Variants in MPDZ observed in about 807,000 individuals in gnomAD.
The protein encoded by MPDZ is multiple PDZ domain protein.
MPDZ carries 234 observed loss-of-function variants against 239.1 expected under a neutral mutation model. That is an observed-to-expected ratio of 0.98 (90% confidence interval 0.88 to 1.09). MPDZ has a LOEUF of 1.09. Ranked by LOEUF, MPDZ falls within the 50% of genes least tolerant of loss-of-function variation. The pLI is 0.00. For synonymous variants in MPDZ, 1,048 were observed against 881.3 expected (o/e 1.19, Z -3.35); for missense variants, 3,175 against 2,510.0 (o/e 1.26, Z -5.66).
At chr9:13,227,878 T>C (rs146422843) in intron 3 of MPDZ, among the ~76,000 whole-genome samples, 3,235 of 152,186 alleles carry the variant, frequency 0.021, 50 homozygotes, top group Middle Eastern at 0.031. Flanking sequence ...TATACCACCA[T>C]ACAAAAGTCT....
intron 26 of MPDZ, 54 bp from the exon 27 acceptor site, chr9:13,143,618 T>G: frequency 6.9e-7 from 1 of 1,458,400 alleles, no homozygotes; most frequent in Non-Finnish European, 9.6e-7. Flanking sequence ...TGAAAACAAC[T>G]CAGTTTTAAA....
At chr9:13,163,876 T>C (rs1352987882) in intron 22 of MPDZ, among the ~76,000 whole-genome samples, 2 of 152,150 alleles carry the variant, frequency 1.3e-5, no homozygotes, top group Admixed American at 1.3e-4. Context: ...ATTTCAAATA[T>C]ATTGGTTATT....
At chr9:13,123,663 C>T (rs1033746746) in intron 35 of MPDZ, among the ~76,000 whole-genome samples, 1 of 152,130 alleles carries the variant, frequency 6.6e-6, no homozygotes, top group African/African-American at 2.4e-5. Flanking sequence ...TGGAGGCAAA[C>T]ACATTTCTTA....
chr9:13,276,652 C>T (rs1297876587), intron 1 of MPDZ: 1 of 152,202 alleles, frequency 6.6e-6, no homozygotes, highest in Non-Finnish European at 1.5e-5. Flanking sequence ...GGCAGATGTG[C>T]TATTTGCTCT....
In MPDZ at chr9:13,176,274, T is replaced by G; in HGVS notation, c.2793A>C (p.Ile931=). 2 of 1,610,342 alleles carry G rather than the reference T, an allele frequency of 1.2e-6. No homozygotes were observed. The highest frequency in any genetic ancestry group is 1.7e-6 in the Non-Finnish European group (2 of 1,178,052). ...ISMGPASGFT[I]NDYTPANAIE... ...TAGCATTTGCAGGTGTGTAGTCATT[T>G]ATAGTAAAGCCAGAAGCAGGCCCCA... Residue 931 remains isoleucine (I), a synonymous_variant, in exon 20 of 47, where the codon ATA becomes ATC. Coordinates refer to ENST00000319217, the MANE Select transcript of MPDZ (RefSeq NM_001378778.1).
At chr9:13,211,148 T>A (rs1587826687) in intron 10 of MPDZ, among the ~76,000 whole-genome samples, 1 of 151,956 alleles carries the variant, frequency 6.6e-6, no homozygotes, top group African/African-American at 2.4e-5. Flanking sequence ...ATGGGAAAAA[T>A]TTTATTACTA....
At chr9:13,175,720 G>T (rs199597417) in intron 21 of MPDZ, 32 bp downstream of exon 21, 2 of 1,349,874 alleles carry the variant, frequency 1.5e-6, no homozygotes, top group Non-Finnish European at 2.0e-6. Flanking sequence ...GGGGGTTGAG[G>T]AGTAGGTATA....
At chr9:13,236,245 G>GTATATATATATATA (rs774590252) in intron 3 of MPDZ, among the ~76,000 whole-genome samples, 225 of 13,440 alleles carry the variant, frequency 0.017, 27 homozygotes, top group East Asian at 0.066. Context: ...ATGTGTGTGT[G>GTATATATATATATA]TGTGTATATA....
chr9:13,138,383 T>G (rs530586526), intron 28 of MPDZ, among the ~76,000 whole-genome samples: 14 of 152,310 alleles, frequency 9.2e-5, no homozygotes, highest in Middle Eastern at 3.4e-3. Context: ...GCACAATGTC[T>G]GATTAATCAG....
At position 13,143,553 on chromosome 9, in the gene MPDZ, C is replaced by G; in HGVS notation, c.3753G>C (p.Leu1251Phe). The part of the protein sequence containing the change: ...SIINRPRKSP[L>F]PSLLHNLYPK... The stretch of plus-strand genomic sequence containing the variant: ...GGTAAAGGTTGTGCAGCAAGGAAGG[C>G]AAAGGGGATTTCTAAAAGGAAACAT... Residue 1251 changes from leucine to phenylalanine, a missense_variant, in exon 27 of 47, where the codon TTG becomes TTC. By Grantham distance (22) the Leu-to-Phe change is conservative (BLOSUM62 0). Transcript: ENST00000319217. 6.2e-7 allele frequency: 1 copy of G among 1,612,510 alleles called. No homozygotes were observed. Among genetic ancestry groups the G allele is most frequent in the Non-Finnish European group, 8.5e-7 (1 of 1,178,854 alleles).
At chr9:13,217,138 G>T in intron 9 of MPDZ, 42 bp downstream of exon 9, 2 of 1,220,850 alleles carry the variant, frequency 1.6e-6, no homozygotes, top group Non-Finnish European at 2.3e-6. Context: ...GATATCAGAG[G>T]TAATTGTCAA....
rs574968892 is a variant in MPDZ at position 13,220,426 on chromosome 9, T to C, written c.877-658A>G. Among the ~76,000 whole-genome samples, 3 of 152,148 alleles carry C rather than the reference T, an allele frequency of 2.0e-5. No homozygotes were observed. In the East Asian group the frequency reaches 5.8e-4, roughly 29 times the overall value. On this transcript the variant is annotated intron_variant, in intron 7 of 46. Coordinates refer to ENST00000319217, the MANE Select transcript of MPDZ (RefSeq NM_001378778.1). ...TAGTCCAACTGAGAAGCTGAACTTG[T>C]AATTTCATTTAATTTTAATTAACTT...
chr9:13,243,285 G>C (rs1463959282), intron 3 of MPDZ, among the ~76,000 whole-genome samples: 1 of 151,670 alleles, frequency 6.6e-6, no homozygotes, highest in Non-Finnish European at 1.5e-5. Flanking sequence ...GCCTCCATGA[G>C]ATAACCCACC....
Position 13,190,171 on chromosome 9 carries a change from C to A in MPDZ, c.2097G>T (p.Gln699His). The A allele has an allele frequency of 1.2e-6, 2 of 1,613,284 alleles. No individual in the cohort carries two copies. Among genetic ancestry groups the A allele is most frequent in the Non-Finnish European group, 1.7e-6 (2 of 1,179,538 alleles). ...TGCTCCCTTTCTCCAGCTCTATGTG[C>A]TGAATGCCAGCCTCCCACATGGCCA... Reference protein sequence around the residue: ...APLAMWEAGIQHIELEKGSKG... With the variant: ...APLAMWEAGIHHIELEKGSKG... The change falls in exon 16 of 47, where the codon CAG becomes CAT. Residue 699 changes from glutamine to histidine, a missense_variant. By Grantham distance (24) the Gln-to-His change is conservative. Coordinates refer to ENST00000319217, the MANE Select transcript of MPDZ (RefSeq NM_001378778.1).
intron 1 of MPDZ, among the ~76,000 whole-genome samples, chr9:13,270,226 G>C (rs1204208890): frequency 2.0e-5 from 3 of 152,110 alleles, no homozygotes; most frequent in African/African-American, 7.2e-5. Flanking sequence ...AATCCAGAAA[G>C]GACATCTGCT....
At chr9:13,212,990 C>T (rs932445937) in intron 10 of MPDZ, among the ~76,000 whole-genome samples, 4 of 151,960 alleles carry the variant, frequency 2.6e-5, no homozygotes, top group Non-Finnish European at 5.9e-5. Context: ...GAACTTCAAT[C>T]TATGAACACA....
Position 13,133,837 on chromosome 9 carries a change from A to C in MPDZ, c.4451T>G (p.Leu1484Arg), listed in dbSNP as rs1416484944. ...DLSSFKNVQHLELPKDQGGLG... is the reference protein window; with the variant it reads ...DLSSFKNVQHRELPKDQGGLG... Reference sequence around the variant, plus strand: ...AAGCAGATTTACCTTGGGAAGCTCCAGATGTTGCACATTTTTAAATGAACT... The same window carrying C: ...AAGCAGATTTACCTTGGGAAGCTCCCGATGTTGCACATTTTTAAATGAACT... The change falls in exon 32 of 47, where the codon CTG becomes CGG. Residue 1484 changes from leucine (L) to arginine (R), a missense_variant. Physicochemically the swap from Leu to Arg is moderately radical, Grantham distance 102 (BLOSUM62 -2). Coordinates refer to ENST00000319217, the MANE Select transcript of MPDZ (RefSeq NM_001378778.1). 3 of 1,602,282 alleles carry C rather than the reference A, an allele frequency of 1.9e-6. No homozygotes were observed. Among genetic ancestry groups the C allele is most frequent in the Non-Finnish European group, 2.6e-6 (3 of 1,171,402 alleles).
intron 1 of MPDZ, among the ~76,000 whole-genome samples, chr9:13,272,720 AAG>A (rs1554737958): frequency 6.6e-6 from 1 of 151,150 alleles, no homozygotes; most frequent in Non-Finnish European, 1.5e-5. Flanking sequence ...AAAAAAAAAA[AAG>A]AAGAACAAAA....
chr9:13,138,223 C>T, intron 28 of MPDZ, 70 bp from the exon 29 acceptor site: 1 of 1,395,856 alleles, frequency 7.2e-7, no homozygotes, highest in Non-Finnish European at 9.4e-7. Context: ...CTGTGGAAAG[C>T]TATTTAGTTT....
Sources: allele counts gnomAD v4.1 joint callset (sites outside exome capture counted in the v4.1 genomes callset), GRCh38; gene constraint gnomAD v4.1.1; transcripts MANE v1.5; gene names NCBI Gene and HGNC (gene_info 2026-07-23, HGNC 2026-07-21).